The following FRMD4B variants were observed in gnomAD, a reference collection of about 807,000 sequenced individuals.
The protein encoded by FRMD4B is FERM domain containing 4B.
A neutral mutation model predicts 141.5 loss-of-function variants in FRMD4B; 74 were observed. The ratio of observed to expected loss-of-function variants is 0.52; its 90% CI spans 0.43 to 0.63. The LOEUF (loss-of-function observed/expected upper bound fraction) is 0.63, where lower values mean the gene tolerates loss of function less well. FRMD4B is among the 30% of genes least tolerant of loss of function. FRMD4B has a pLI of 0.00. For synonymous variants in FRMD4B, 506 were observed against 467.9 expected (o/e 1.08, Z -1.05); for missense variants, 1,366 against 1,253.4 (o/e 1.09, Z -1.36).
At chr3:69,434,929 C>T (rs1005596832) in intron 1 of FRMD4B, among the ~76,000 whole-genome samples, 3 of 152,152 alleles carry the variant, frequency 2.0e-5, no homozygotes, top group African/African-American at 7.2e-5. Flanking sequence ...GAGCTGGTAT[C>T]CTCTGGGGCC....
intron 1 of FRMD4B, among the ~76,000 whole-genome samples, chr3:69,533,507 T>C (rs146395009): frequency 3.0e-4 from 46 of 152,354 alleles, no homozygotes; most frequent in African/African-American, 1.1e-3. Flanking sequence ...GCCTGGCACC[T>C]GGCACTTATA....
intron 1 of FRMD4B, among the ~76,000 whole-genome samples, chr3:69,518,966 G>C (rs981447470): frequency 6.6e-6 from 1 of 152,208 alleles, no homozygotes; most frequent in Non-Finnish European, 1.5e-5. Flanking sequence ...GCTTGTTTCT[G>C]TGTTGACACC....
intron 4 of FRMD4B, among the ~76,000 whole-genome samples, chr3:69,291,910 C>CTTTTTTTTTTTT (rs35703345): frequency 1.9e-5 from 2 of 105,538 alleles, no homozygotes; most frequent in Non-Finnish European, 3.8e-5. Context: ...ACAGGAATCT[C>CTTTTTTTTTTTT]TTTTTTTTTT....
At chr3:69,191,185 G>A (rs916306769) in intron 17 of FRMD4B, among the ~76,000 whole-genome samples, 6 of 152,150 alleles carry the variant, frequency 3.9e-5, no homozygotes, top group Admixed American at 6.5e-5. Context: ...TCGAGAGGCC[G>A]AGGTTGGTGT....
At chr3:69,472,258 T>C in intron 1 of FRMD4B, 1 of 335,736 alleles carries the variant, frequency 3.0e-6, no homozygotes, top group Non-Finnish European at 6.0e-6. Flanking sequence ...ATGTCCAGCC[T>C]TCCTTGTTGG....
At chr3:69,212,664 C>T (rs1001437773) in intron 11 of FRMD4B, among the ~76,000 whole-genome samples, 3 of 152,176 alleles carry the variant, frequency 2.0e-5, no homozygotes, top group African/African-American at 7.2e-5. Flanking sequence ...ATTTACTGTG[C>T]AGATTCTGAT....
chr3:69,493,510 C>A (rs1214804226), intron 1 of FRMD4B, among the ~76,000 whole-genome samples: 1 of 152,098 alleles, frequency 6.6e-6, no homozygotes, highest in Non-Finnish European at 1.5e-5. Context: ...ATTCCTAGTT[C>A]CTGGAATGGA....
rs192693781 is a variant in FRMD4B at position 69,257,384 on chromosome 3, G to T, written c.502-7285C>A. Among the ~76,000 whole-genome samples, 17 of 152,260 alleles carry T rather than the reference G, an allele frequency of 1.1e-4. No homozygotes were observed. The East Asian group carries it at 3.3e-3, about 29-fold the overall frequency. The stretch of plus-strand genomic sequence containing the variant: ...GGGAGGACCCATGGAAGAAGTTTCT[G>T]ATTTTTCATATCGATATTGACTGTG... On this transcript the variant is annotated intron_variant, in intron 5 of 22. Coordinates refer to ENST00000398540, the MANE Select transcript of FRMD4B (RefSeq NM_015123.3).
intron 17 of FRMD4B, among the ~76,000 whole-genome samples, chr3:69,190,798 A>C (rs1284231373): frequency 1.3e-5 from 2 of 152,198 alleles, no homozygotes; most frequent in African/African-American, 2.4e-5. Context: ...TGTCCTGTGC[A>C]TTATAGGATT....
chr3:69,213,837 A>C (rs1299656624), intron 11 of FRMD4B, among the ~76,000 whole-genome samples: 1 of 151,566 alleles, frequency 6.6e-6, no homozygotes, highest in Non-Finnish European at 1.5e-5. Context: ...TAATTTGTTA[A>C]GTTTTCTTTT....
chr3:69,195,210 A>G (rs1490078718), intron 15 of FRMD4B, 21 bp downstream of exon 15: 1 of 1,612,846 alleles, frequency 6.2e-7, no homozygotes, highest in Non-Finnish European at 8.5e-7. Flanking sequence ...CAACTTGATG[A>G]GCCCCAAAAA....
chr3:69,323,608 GTA>G (rs55847019), intron 1 of FRMD4B, among the ~76,000 whole-genome samples: 3,991 of 100,122 alleles, frequency 0.04, 64 homozygotes, highest in East Asian at 0.1. Flanking sequence ...CTCTCTCTGT[GTA>G]TATATATATA....
chr3:69,291,351 A>G (rs1050296872), intron 4 of FRMD4B, among the ~76,000 whole-genome samples: 3 of 152,244 alleles, frequency 2.0e-5, no homozygotes, highest in Admixed American at 6.5e-5. Context: ...TCTTAATATT[A>G]TTTAAAATTT....
At chr3:69,507,853 T>A (rs1399181315) in intron 1 of FRMD4B, among the ~76,000 whole-genome samples, 1 of 151,138 alleles carries the variant, frequency 6.6e-6, no homozygotes, top group East Asian at 1.9e-4. Context: ...GAAAAATAGG[T>A]TTTTTTTTCA....
At chr3:69,428,604 T>C (rs1036194748) in intron 2 of FRMD4B, among the ~76,000 whole-genome samples, 2 of 152,028 alleles carry the variant, frequency 1.3e-5, no homozygotes, top group Admixed American at 6.6e-5. Flanking sequence ...TGTATTATGG[T>C]GGTATTTTAA....
At chr3:69,441,289 AGT>A (rs1164875289) in intron 1 of FRMD4B, among the ~76,000 whole-genome samples, 1 of 152,146 alleles carries the variant, frequency 6.6e-6, no homozygotes, top group African/African-American at 2.4e-5. Context: ...CAAGTGAGGC[AGT>A]GAGAGTGGAG....
intron 1 of FRMD4B, among the ~76,000 whole-genome samples, chr3:69,318,165 G>C (rs1310952849): frequency 6.6e-6 from 1 of 151,982 alleles, no homozygotes. Flanking sequence ...TGCAGAGACA[G>C]GATCTTACTA....
chr3:69,507,317 T>G (rs1280235005), intron 1 of FRMD4B, among the ~76,000 whole-genome samples: 1 of 152,204 alleles, frequency 6.6e-6, no homozygotes, highest in African/African-American at 2.4e-5. Flanking sequence ...AACTATTGAT[T>G]TCAAGTTCTA....
At chr3:69,259,099 C>G (rs2093510312) in intron 5 of FRMD4B, among the ~76,000 whole-genome samples, 1 of 152,130 alleles carries the variant, frequency 6.6e-6, no homozygotes, top group Non-Finnish European at 1.5e-5. Flanking sequence ...TCAGTGGGAG[C>G]CCTGAGCTTG....
Sources: gnomAD v4.1 joint callset for allele counts (sites outside exome capture counted in the v4.1 genomes callset) on GRCh38, gnomAD v4.1.1 for gene constraint, MANE v1.5 for transcripts, NCBI Gene and HGNC (gene_info 2026-07-23, HGNC 2026-07-21) for gene names.